The following POLK variants were observed in gnomAD, a reference collection of about 807,000 sequenced individuals.
POLK encodes the protein DNA polymerase kappa.
Under a neutral mutation model 94.0 loss-of-function variants are expected in POLK, and 76 were observed. That is an observed-to-expected ratio of 0.81 (90% confidence interval 0.67 to 0.98). POLK has a LOEUF of 0.98. Ranked by LOEUF, POLK falls within the 50% of genes least tolerant of loss-of-function variation. POLK has a pLI of 0.00. For missense variants in POLK, 954 were observed against 1,010.1 expected (o/e 0.94, Z 0.75); for synonymous variants, 349 against 325.4 (o/e 1.07, Z -0.78).
chr5:75,596,717 T>G (rs1773108937), exon 13 of POLK: 1 of 1,613,866 alleles, frequency 6.2e-7, no homozygotes, highest in Non-Finnish European at 8.5e-7. Flanking sequence ...AAAGAAAATG[T>G]TCCTGCTTCT....
chr5:75,559,968 A>C (rs1770884648), intron 3 of POLK, among the ~76,000 whole-genome samples: 1 of 152,258 alleles, frequency 6.6e-6, no homozygotes, highest in Non-Finnish European at 1.5e-5. Flanking sequence ...TTTATAAAGA[A>C]AATAAGACAT....
chr5:75,548,127 G>T (rs928296923), intron 2 of POLK, among the ~76,000 whole-genome samples: 2 of 152,046 alleles, frequency 1.3e-5, no homozygotes, highest in Non-Finnish European at 2.9e-5. Context: ...TCACTGTGTT[G>T]CCCAGGCTAG....
intron 1 of POLK, chr5:75,512,167 G>A (rs1768067701): frequency 5.0e-6 from 1 of 198,956 alleles, no homozygotes; most frequent in Admixed American, 5.6e-5. Flanking sequence ...CATGGGCTGG[G>A]GTTTTGTGAG....
Position 75,595,345 on chromosome 5 carries a change from G to A in POLK, c.1529-877G>A, listed in dbSNP as rs773733933. On this transcript the variant is annotated intron_variant, in intron 12 of 14. Transcript: ENST00000241436. ...CTTTGAAGCAAGCACGATGTCCTTC[G>A]GTACGTGAATGGATAAATAAACTGT... 8.0e-5 allele frequency among the ~76,000 whole-genome samples: 12 copies of A among 150,306 alleles called. No individual in the cohort carries two copies. In the East Asian group the frequency reaches 9.7e-4, roughly 12 times the overall value.
exon 13 of POLK, chr5:75,597,148 A>G (rs185752953): frequency 1.2e-6 from 2 of 1,602,146 alleles, no homozygotes; most frequent in Non-Finnish European, 1.7e-6. Flanking sequence ...TAACCCAGTT[A>G]ATCAACCCAA....
intron 1 of POLK, among the ~76,000 whole-genome samples, chr5:75,524,623 A>C: frequency 6.6e-6 from 1 of 151,938 alleles, no homozygotes; most frequent in Non-Finnish European, 1.5e-5. Flanking sequence ...AGAAAAAAAA[A>C]ACAAAAAAAT....
chr5:75,597,285 T>G (rs1773143882), intron 13 of POLK, 107 bp downstream of exon 13: 5 of 673,432 alleles, frequency 7.4e-6, no homozygotes, highest in Admixed American at 2.4e-5. Context: ...ATGGGTAGTT[T>G]GTGTATGCCG....
chr5:75,552,000 A>G (rs1466381820), intron 2 of POLK, among the ~76,000 whole-genome samples: 2 of 152,248 alleles, frequency 1.3e-5, no homozygotes, highest in East Asian at 3.8e-4. Context: ...GATAGACACT[A>G]TGTTCAGTGA....
intron 4 of POLK, among the ~76,000 whole-genome samples, chr5:75,573,438 C>T (rs1771705248): frequency 6.6e-6 from 1 of 152,060 alleles, no homozygotes; most frequent in African/African-American, 2.4e-5. Context: ...GGGTGCAGCA[C>T]ACCAACATGG....
intron 5 of POLK, among the ~76,000 whole-genome samples, chr5:75,576,128 G>A (rs1771861508): frequency 6.6e-6 from 1 of 152,050 alleles, no homozygotes; most frequent in African/African-American, 2.4e-5. Flanking sequence ...TTTATCCTAA[G>A]ATGTTACTCC....
intron 3 of POLK, among the ~76,000 whole-genome samples, chr5:75,559,501 G>GTTTTTTTT (rs1770837739): frequency 7.7e-6 from 1 of 130,318 alleles, no homozygotes; most frequent in Non-Finnish European, 1.7e-5. Flanking sequence ...TTGATTTGGG[G>GTTTTTTTT]TTTGTTTTTT....
chr5:75,578,573 A>G (rs908393836), intron 6 of POLK, among the ~76,000 whole-genome samples: 43 of 152,270 alleles, frequency 2.8e-4, no homozygotes, highest in African/African-American at 1.0e-3. Flanking sequence ...GTATTTTCAT[A>G]TTCTTAAACA....
At chr5:75,563,251 T>C (rs1771082704) in intron 3 of POLK, among the ~76,000 whole-genome samples, 1 of 152,104 alleles carries the variant, frequency 6.6e-6, no homozygotes, top group African/African-American at 2.4e-5. Context: ...CGTGAGCCAC[T>C]GTATCTGGCT....
At chr5:75,548,857 T>C (rs1770189396) in intron 2 of POLK, among the ~76,000 whole-genome samples, 1 of 152,154 alleles carries the variant, frequency 6.6e-6, no homozygotes, top group Non-Finnish European at 1.5e-5. Context: ...CGTTGTACTA[T>C]TTTTTCAGCT....
Position 75,589,438 on chromosome 5 carries a change from C to T in POLK, c.1260-906C>T, listed in dbSNP as rs184298662. On this transcript the variant is annotated intron_variant, in intron 10 of 14. Coordinates refer to ENST00000241436, the Ensembl canonical transcript of POLK. ...ACACACACACACACACACACACACACGTGGAATATTTCTTTTTTTTGTTTG... is the reference window on the plus strand; with the variant it reads ...ACACACACACACACACACACACACATGTGGAATATTTCTTTTTTTTGTTTG... Among the ~76,000 whole-genome samples the T allele has an allele frequency of 2.1e-3, 305 of 144,090 alleles. 1 individual carries two copies. In the East Asian group the frequency reaches 0.029, roughly 13 times the overall value. 94.5% of individuals were successfully genotyped at this position (144,090 alleles called of 152,430 possible).
chr5:75,561,350 G>T (rs1269931505), intron 3 of POLK, among the ~76,000 whole-genome samples: 1 of 152,116 alleles, frequency 6.6e-6, no homozygotes, highest in Non-Finnish European at 1.5e-5. Context: ...TTTTGATGGG[G>T]TTGTTTGGTT....
intron 1 of POLK, among the ~76,000 whole-genome samples, chr5:75,545,728 T>A (rs931777317): frequency 5.9e-5 from 9 of 152,206 alleles, no homozygotes; most frequent in Non-Finnish European, 1.3e-4. Context: ...ATAAATGCAT[T>A]TGAACTTAAC....
chr5:75,569,599 A>G (rs1771479299), intron 4 of POLK, 107 bp downstream of exon 4: 1 of 973,016 alleles, frequency 1.0e-6, no homozygotes, highest in African/African-American at 1.6e-5. Flanking sequence ...TTTGCTGAGT[A>G]TTTTTCTGGG....
chr5:75,575,074 T>C (rs940796315), intron 5 of POLK, among the ~76,000 whole-genome samples: 2 of 152,238 alleles, frequency 1.3e-5, no homozygotes, highest in African/African-American at 4.8e-5. Flanking sequence ...AGCTAGTTTA[T>C]ATGCAGATAA....
Sources: gnomAD v4.1 joint callset for allele counts (sites outside exome capture counted in the v4.1 genomes callset) on GRCh38, gnomAD v4.1.1 for gene constraint, MANE v1.5 for transcripts, NCBI Gene and HGNC (gene_info 2026-07-23, HGNC 2026-07-21) for gene names.